The following UGT1A10 variants were observed in gnomAD, a reference collection of about 807,000 sequenced individuals.
The protein encoded by UGT1A10 is UDP-glucuronosyltransferase 1A10.
A neutral mutation model predicts 45.8 loss-of-function variants in UGT1A10; 49 were observed. That is an observed-to-expected ratio of 1.07 (90% CI 0.85 to 1.36). The LOEUF is 1.36. UGT1A10 is among the 40% of genes most tolerant of loss of function. The pLI is 0.00. For missense variants in UGT1A10, 745 were observed against 668.6 expected, an observed-to-expected ratio of 1.11 and a Z score of -1.26; for synonymous variants, 284 against 249.7, an observed-to-expected ratio of 1.14 and a Z score of -1.29.
At chr2:233,668,700 C>T (rs1483249196) in intron 1 of UGT1A10, among the ~76,000 whole-genome samples, 1 of 152,258 alleles carries the variant, frequency 6.6e-6, no homozygotes, top group Non-Finnish European at 1.5e-5. Context: ...TATTTCTCCA[C>T]ATCTTCTCTA....
intron 1 of UGT1A10, among the ~76,000 whole-genome samples, chr2:233,706,625 G>A (rs1232121262): frequency 6.6e-6 from 1 of 152,130 alleles, no homozygotes; most frequent in Non-Finnish European, 1.5e-5. Flanking sequence ...AGAGAAATGA[G>A]TGTTTCTACT....
At chr2:233,659,757 C>A (rs1189186307) in intron 1 of UGT1A10, among the ~76,000 whole-genome samples, 2 of 152,176 alleles carry the variant, frequency 1.3e-5, no homozygotes, top group South Asian at 4.1e-4. Context: ...TCTTCTTCAC[C>A]ATTTGCTTTA....
intron 1 of UGT1A10, chr2:233,719,778 T>C (rs2076804234): frequency 1.2e-6 from 2 of 1,611,190 alleles, no homozygotes; most frequent in African/African-American, 2.7e-5. Context: ...TATCTACTTA[T>C]CTTTCCAAAG....
chr2:233,737,179 C>T (rs2078848793), intron 1 of UGT1A10, among the ~76,000 whole-genome samples: 1 of 152,230 alleles, frequency 6.6e-6, no homozygotes, highest in South Asian at 2.1e-4. Context: ...TCTATAGCGG[C>T]AGTAGCCCTT....
intron 1 of UGT1A10, among the ~76,000 whole-genome samples, chr2:233,667,526 A>G (rs944903274): frequency 6.6e-6 from 1 of 152,222 alleles, no homozygotes; most frequent in Non-Finnish European, 1.5e-5. Flanking sequence ...GCCAAAATTG[A>G]CAAATGGGAT....
intron 1 of UGT1A10, chr2:233,722,014 C>G (rs2076986422): frequency 3.9e-6 from 1 of 254,156 alleles, no homozygotes; most frequent in Non-Finnish European, 7.9e-6. Context: ...AACAGGAAAA[C>G]TGAAACCTCT....
chr2:233,642,609 T>C (rs1289155597), intron 1 of UGT1A10, among the ~76,000 whole-genome samples: 3 of 152,306 alleles, frequency 2.0e-5, no homozygotes, highest in East Asian at 3.9e-4. Flanking sequence ...ATTGAAGAGT[T>C]AGGTGTTTAT....
Position 233,772,257 on chromosome 2 carries a change from T to C in UGT1A10, c.1296-5T>C. ...CAGGCATAACGAAACTGTCTTTGTGTTTAGTTACAAGGAGAACATCATGCG... is the reference window on the plus strand; with the variant it reads ...CAGGCATAACGAAACTGTCTTTGTGCTTAGTTACAAGGAGAACATCATGCG... On this transcript the variant is annotated splice_polypyrimidine_tract_variant and splice_region_variant and intron_variant, in intron 4 of 4. Transcript: ENST00000344644. 2 of 1,614,220 alleles carry C rather than the reference T, an allele frequency of 1.2e-6. No individual in the cohort carries two copies. Among genetic ancestry groups the C allele is most frequent in the Non-Finnish European group, 1.7e-6 (2 of 1,180,042 alleles).
At chr2:233,683,341 G>A (rs4663888) in intron 1 of UGT1A10, among the ~76,000 whole-genome samples, 93,418 of 151,982 alleles carry the variant, frequency 0.61, 28,967 homozygotes, top group South Asian at 0.65. Flanking sequence ...TAATTGCATG[G>A]TAGTCTTTAC....
Position 233,682,788 on chromosome 2 carries a change from C to A in UGT1A10, c.855+45411C>A, listed in dbSNP as rs757573093. 1.4e-5 allele frequency: 22 copies of A among 1,611,778 alleles called. 1 individual carries two copies. In the Admixed American group the frequency reaches 3.3e-4, roughly 24 times the overall value. The stretch of plus-strand genomic sequence containing the variant: ...AACTGTCATCAGGGAAAGCCAGTGC[C>A]TATGGTAAGTTATCTCCCCTTTAGC... On this transcript the variant is annotated intron_variant, in intron 1 of 4. Coordinates refer to ENST00000344644, the MANE Select transcript of UGT1A10 (RefSeq NM_019075.4).
At chr2:233,766,011 C>T (rs921466084) in intron 1 of UGT1A10, among the ~76,000 whole-genome samples, 4 of 152,188 alleles carry the variant, frequency 2.6e-5, no homozygotes, top group African/African-American at 9.6e-5. Context: ...TGGGTTATGG[C>T]CTTCTTTTAG....
intron 1 of UGT1A10, among the ~76,000 whole-genome samples, chr2:233,654,064 A>G (rs566139711): frequency 1.7e-4 from 26 of 152,372 alleles, no homozygotes; most frequent in African/African-American, 6.3e-4. Context: ...AGAATTCTCC[A>G]TAAGTCTATA....
chr2:233,672,757 A>G, intron 1 of UGT1A10: 1 of 1,613,860 alleles, frequency 6.2e-7, no homozygotes, highest in Non-Finnish European at 8.5e-7. Flanking sequence ...CATTGGTGGT[A>G]TCAACTGCCA....
intron 1 of UGT1A10, among the ~76,000 whole-genome samples, chr2:233,737,291 C>T (rs771202553): frequency 3.3e-5 from 5 of 152,210 alleles, no homozygotes; most frequent in South Asian, 2.1e-4. Context: ...GCCAGGCTGC[C>T]GCCTCACAGT....
rs61764030 is a variant in UGT1A10, at chr2:233,729,599, C to T, written c.856-37435C>T. ...TTAACAGACCCCGTTAACCTCTGCG[C>T]GGCAGTGCTGGCTAAGTACCTGTCG... On this transcript the variant is annotated intron_variant, in intron 1 of 4. Coordinates refer to ENST00000344644, the MANE Select transcript of UGT1A10 (RefSeq NM_019075.4). The T allele has an allele frequency of 2.7e-3, 4,298 of 1,614,002 alleles. 9 individuals carry two copies. Among genetic ancestry groups the T allele is most frequent in the Admixed American group, 4.7e-3 (282 of 60,020 alleles).
intron 1 of UGT1A10, among the ~76,000 whole-genome samples, chr2:233,645,181 C>G (rs1422396315): frequency 6.6e-6 from 1 of 152,190 alleles, no homozygotes; most frequent in Admixed American, 6.5e-5. Flanking sequence ...TTCTTGTTGA[C>G]TAGGCTTCTT....
chr2:233,685,448 C>T (rs1020256120), intron 1 of UGT1A10, among the ~76,000 whole-genome samples: 1 of 152,216 alleles, frequency 6.6e-6, no homozygotes, highest in Non-Finnish European at 1.5e-5. Context: ...GCTGAATCTA[C>T]ACCATCTAGG....
At chr2:233,712,924 G>C in intron 1 of UGT1A10, 3 of 1,611,998 alleles carry the variant, frequency 1.9e-6, no homozygotes, top group Non-Finnish European at 1.7e-6. Flanking sequence ...AGGTAATTAA[G>C]ACGAAGGAAA....
At chr2:233,665,696 T>C (rs897751150) in intron 1 of UGT1A10, among the ~76,000 whole-genome samples, 4 of 152,220 alleles carry the variant, frequency 2.6e-5, no homozygotes, top group Non-Finnish European at 4.4e-5. Context: ...GTGCACTGCA[T>C]CCCTACCAGA....
Sources: allele counts gnomAD v4.1 joint callset (sites outside exome capture counted in the v4.1 genomes callset), GRCh38; gene constraint gnomAD v4.1.1; transcripts MANE v1.5; gene names NCBI Gene and HGNC (gene_info 2026-07-23, HGNC 2026-07-21).